The following EYA2 variants were observed in gnomAD, a reference collection of about 807,000 sequenced individuals.
The protein encoded by EYA2 is protein phosphatase EYA2.
In EYA2, 31 loss-of-function variants were observed where a neutral mutation model predicts 69.2. That is an observed-to-expected ratio of 0.45 (90% CI 0.34 to 0.60). The LOEUF (loss-of-function observed/expected upper bound fraction) is 0.60. Ranked by LOEUF, EYA2 falls within the 20% of genes least tolerant of loss-of-function variation. EYA2 has a pLI of 0.02. For synonymous variants in EYA2, 257 were observed against 279.4 expected, an observed-to-expected ratio of 0.92 and a Z score of 0.80; for missense variants, 622 against 701.2, an observed-to-expected ratio of 0.89 and a Z score of 1.28.
At chr20:47,156,133 T>A (rs1228150610) in intron 10 of EYA2, among the ~76,000 whole-genome samples, 1 of 7,866 alleles carries the variant, frequency 1.3e-4, no homozygotes, top group South Asian at 6.2e-3. Context: ...CACACATATA[T>A]ATATATATAT....
intron 10 of EYA2, among the ~76,000 whole-genome samples, chr20:47,155,384 A>G (rs1319399876): frequency 6.6e-6 from 1 of 151,928 alleles, no homozygotes; most frequent in South Asian, 2.1e-4. Context: ...TTACTCCCAC[A>G]TGCTGAGTGC....
In EYA2 at chr20:47,107,721, A is replaced by G. The variant is rs928138852; in HGVS notation, c.888+10553A>G. On this transcript the variant is annotated intron_variant, in intron 9 of 15. Transcript: ENST00000327619. The stretch of plus-strand genomic sequence containing the variant: ...AAACAAAAGAGAAGAAGGAAGAAGA[A>G]GAAGAAGAAAAGAAAAAGAAGAAGA... Among the ~76,000 whole-genome samples the G allele has an allele frequency of 7.3e-5, 11 of 150,740 alleles. No individual in the cohort carries two copies. In the East Asian group the frequency reaches 2.1e-3, roughly 29 times the overall value.
chr20:47,103,297 T>C (rs529578653), intron 9 of EYA2, among the ~76,000 whole-genome samples: 4 of 147,552 alleles, frequency 2.7e-5, no homozygotes, highest in African/African-American at 9.7e-5. Flanking sequence ...CAACCACTAA[T>C]CTACTTTCTT....
At chr20:47,118,312 T>G (rs573771995) in intron 9 of EYA2, among the ~76,000 whole-genome samples, 1 of 152,342 alleles carries the variant, frequency 6.6e-6, no homozygotes, top group Non-Finnish European at 1.5e-5. Flanking sequence ...TGACTTTGAT[T>G]GGGCTTCTCC....
At chr20:46,940,779 G>A (rs1568677660) in intron 1 of EYA2, among the ~76,000 whole-genome samples, 1 of 152,328 alleles carries the variant, frequency 6.6e-6, no homozygotes, top group East Asian at 1.9e-4. Context: ...ATGGCCAGCT[G>A]TCTCCTGCTG....
intron 12 of EYA2, among the ~76,000 whole-genome samples, chr20:47,174,058 C>G (rs2034381783): frequency 6.6e-6 from 1 of 152,206 alleles, no homozygotes; most frequent in Admixed American, 6.5e-5. Flanking sequence ...AGGTTTTTAA[C>G]TAGGGGTGGT....
chr20:47,160,886 G>C (rs2034052332), intron 10 of EYA2: 1 of 233,738 alleles, frequency 4.3e-6, no homozygotes, highest in African/African-American at 2.3e-5. Context: ...CAGAGACTCT[G>C]ATGGGGTCTT....
At chr20:46,975,873 T>G (rs1488803765) in intron 1 of EYA2, among the ~76,000 whole-genome samples, 1 of 152,106 alleles carries the variant, frequency 6.6e-6, no homozygotes, top group Non-Finnish European at 1.5e-5. Flanking sequence ...TCCCACCAGC[T>G]GTTTTTATTT....
rs1160203854 is a variant in EYA2 at position 47,156,063 on chromosome 20, TAC to T, written c.978+12929_978+12930del. On this transcript the variant is annotated intron_variant, in intron 10 of 15. Coordinates refer to ENST00000327619, the MANE Select transcript of EYA2 (RefSeq NM_005244.5). Reference sequence around the variant, plus strand: ...ACACACACACACACATATATATACATACACACACACACACATATATATACATA... The same window carrying T: ...ACACACACACACACATATATATACATACACACACACACATATATATACATA... Among the ~76,000 whole-genome samples, 83 of 45,610 alleles carry T rather than the reference TAC, an allele frequency of 1.8e-3. 3 individuals are homozygous for T. Among genetic ancestry groups the T allele is most frequent in the Non-Finnish European group, 2.5e-3 (63 of 25,658 alleles). 29.9% of individuals were successfully genotyped at this position (45,610 alleles called of 152,430 possible).
At chr20:47,122,896 A>G (rs910633348) in intron 9 of EYA2, among the ~76,000 whole-genome samples, 4 of 152,140 alleles carry the variant, frequency 2.6e-5, no homozygotes, top group African/African-American at 9.7e-5. Context: ...TGCTTTCCAA[A>G]CCTTTATAGA....
intron 9 of EYA2, among the ~76,000 whole-genome samples, chr20:47,135,052 A>G (rs891603182): frequency 5.5e-5 from 8 of 145,236 alleles, no homozygotes; most frequent in Non-Finnish European, 1.2e-4. Context: ...GCGTGAACCC[A>G]GGAGGCGGAG....
intron 1 of EYA2, among the ~76,000 whole-genome samples, chr20:46,899,514 C>T (rs1366613599): frequency 6.6e-6 from 1 of 152,292 alleles, no homozygotes; most frequent in South Asian, 2.1e-4. Flanking sequence ...TAAAAAGAGT[C>T]AATAAATTTA....
intron 9 of EYA2, among the ~76,000 whole-genome samples, chr20:47,109,646 G>A (rs1434491692): frequency 6.6e-6 from 1 of 152,098 alleles, no homozygotes; most frequent in African/African-American, 2.4e-5. Flanking sequence ...GCCTCCCAAA[G>A]TGCTGGGATT....
At chr20:46,923,410 G>A (rs1985269986) in intron 1 of EYA2, among the ~76,000 whole-genome samples, 1 of 152,290 alleles carries the variant, frequency 6.6e-6, no homozygotes, top group East Asian at 1.9e-4. Context: ...AATCTGAAGG[G>A]ATAGGACAAC....
intron 9 of EYA2, among the ~76,000 whole-genome samples, chr20:47,102,094 T>C (rs1055400124): frequency 3.9e-5 from 6 of 152,228 alleles, no homozygotes; most frequent in Non-Finnish European, 7.3e-5. Flanking sequence ...GTTTAAGCAA[T>C]GTTCTTAGGT....
rs2034604263 is a variant in EYA2 at position 47,184,756 on chromosome 20, GTTAA to G, written c.1536+1372_1536+1375del. Among the ~76,000 whole-genome samples the G allele has an allele frequency of 2.0e-5, 3 of 152,208 alleles. No homozygotes were observed. The South Asian group carries it at 6.2e-4, about 32-fold the overall frequency. On this transcript the variant is annotated intron_variant, in intron 15 of 15. Transcript: ENST00000327619. ...ATGACAGAATTTGAGACTCAGAAAGGTTAATTAATTTGCCTAGGGTCACACATCT... is the reference window on the plus strand; with the variant it reads ...ATGACAGAATTTGAGACTCAGAAAGGTTAATTTGCCTAGGGTCACACATCT...
chr20:47,122,289 GTTTT>G (rs1180670988), intron 9 of EYA2, among the ~76,000 whole-genome samples: 3 of 110,866 alleles, frequency 2.7e-5, no homozygotes, highest in African/African-American at 4.0e-5. Context: ...TATTTTCTTG[GTTTT>G]TTTTTTTTTT....
At chr20:47,122,878 A>G (rs1345631263) in intron 9 of EYA2, among the ~76,000 whole-genome samples, 2 of 152,238 alleles carry the variant, frequency 1.3e-5, no homozygotes, top group East Asian at 1.9e-4. Flanking sequence ...CACAGAGCCT[A>G]AAATATATGC....
intron 5 of EYA2, among the ~76,000 whole-genome samples, chr20:47,018,893 A>G (rs760493529): frequency 2.0e-5 from 3 of 152,128 alleles, no homozygotes; most frequent in Non-Finnish European, 2.9e-5. Context: ...CCTCTAAATG[A>G]TGAGATTTCC....
Sources: gnomAD v4.1 joint callset for allele counts (sites outside exome capture counted in the v4.1 genomes callset) on GRCh38, gnomAD v4.1.1 for gene constraint, MANE v1.5 for transcripts, NCBI Gene and HGNC (gene_info 2026-07-23, HGNC 2026-07-21) for gene names.